NR3C2: variants seen among roughly 807,000 people sequenced by gnomAD.
NR3C2 encodes mineralocorticoid receptor.
NR3C2 carries 15 observed loss-of-function variants against 86.4 expected under a neutral mutation model. The observed-to-expected ratio is 0.17, with a 90% confidence interval of 0.12 to 0.27. NR3C2 has a LOEUF of 0.27. NR3C2 is among the 10% of genes least tolerant of loss of function. The probability of loss-of-function intolerance (pLI) is 1.00; values close to 1 mark genes in which losing one functional copy is unlikely to be tolerated. For synonymous variants in NR3C2, 458 were observed against 450.5 expected (o/e 1.02, Z -0.21); for missense variants, 960 against 1,195.6 (o/e 0.80, Z 2.91).
chr4:148,264,259 T>C (rs1449182209), intron 2 of NR3C2, among the ~76,000 whole-genome samples: 1 of 152,210 alleles, frequency 6.6e-6, no homozygotes, highest in Non-Finnish European at 1.5e-5. Context: ...CTAGTCTCTA[T>C]TGACACACTA....
intron 2 of NR3C2, among the ~76,000 whole-genome samples, chr4:148,404,640 A>G (rs1348614009): frequency 2.6e-5 from 4 of 152,158 alleles, no homozygotes; most frequent in Non-Finnish European, 4.4e-5. Flanking sequence ...TAAAATTCAA[A>G]CTAATAAACA....
chr4:148,306,301 C>T (rs1391923752), intron 2 of NR3C2, among the ~76,000 whole-genome samples: 1 of 152,194 alleles, frequency 6.6e-6, no homozygotes, highest in Non-Finnish European at 1.5e-5. Context: ...GCATATTTTA[C>T]AGCTCTATTA....
intron 2 of NR3C2, among the ~76,000 whole-genome samples, chr4:148,401,364 T>G (rs1748150878): frequency 6.6e-6 from 1 of 152,006 alleles, no homozygotes; most frequent in Non-Finnish European, 1.5e-5. Flanking sequence ...ACACTATATT[T>G]CCCAGCTTCC....
At chr4:148,319,854 T>A (rs549237098) in intron 2 of NR3C2, among the ~76,000 whole-genome samples, 10 of 144,472 alleles carry the variant, frequency 6.9e-5, no homozygotes, top group Middle Eastern at 3.5e-3. Context: ...CTTTTCCTAA[T>A]TGAATACCCT....
chr4:148,175,849 A>G (rs892958941), intron 4 of NR3C2, among the ~76,000 whole-genome samples: 1 of 152,122 alleles, frequency 6.6e-6, no homozygotes, highest in Admixed American at 6.5e-5. Flanking sequence ...ATTTAAAAAA[A>G]TTTTTTTAGC....
chr4:148,163,876 T>C (rs1734769994), intron 4 of NR3C2, among the ~76,000 whole-genome samples: 1 of 152,144 alleles, frequency 6.6e-6, no homozygotes, highest in African/African-American at 2.4e-5. Flanking sequence ...GCAATAACTA[T>C]AAGTAGCATT....
rs776662072 is a variant in NR3C2, at chr4:148,435,992, T to G, written c.869A>C (p.Asn290Thr). Residue 290 changes from asparagine to threonine, a missense_variant, in exon 2 of 9, where the codon AAT (asparagine) becomes ACT (threonine). Asn to Thr is a moderately conservative substitution (Grantham distance 65, BLOSUM62 0). This residue lies in a region of NR3C2 where 680 missense variants were observed against 719.0 expected (regional missense o/e 0.95). Transcript: ENST00000358102. ...SVKSPVSSPN[N>T]VTLRSSVSSP... ...AGACACAGAGGATCTCAGAGTGACA[T>G]TATTGGGACTGGAGACTGGAGATTT... 3.7e-6 allele frequency: 6 copies of G among 1,614,146 alleles called. No individual in the cohort carries two copies. The highest frequency in any genetic ancestry group is 5.1e-6 in the Non-Finnish European group (6 of 1,180,034).
chr4:148,289,271 G>C, intron 2 of NR3C2, among the ~76,000 whole-genome samples: 1 of 37,774 alleles, frequency 2.6e-5, no homozygotes. Context: ...AATATTTACA[G>C]CCAAAAAAAA....
At chr4:148,241,597 C>T (rs1739050781) in intron 3 of NR3C2, among the ~76,000 whole-genome samples, 1 of 152,154 alleles carries the variant, frequency 6.6e-6, no homozygotes, top group Non-Finnish European at 1.5e-5. Context: ...CCAGACCACA[C>T]TGACTAACAT....
rs183107129 is a variant in NR3C2, at chr4:148,261,838, T to C, written c.1758-1721A>G. Among the ~76,000 whole-genome samples the C allele has an allele frequency of 7.9e-5, 12 of 152,368 alleles. No individual in the cohort carries two copies. In the East Asian group the frequency reaches 2.3e-3, roughly 29 times the overall value. On this transcript the variant is annotated intron_variant, in intron 2 of 8. Coordinates refer to ENST00000358102, the MANE Select transcript of NR3C2 (RefSeq NM_000901.5). ...ATAATGCGTTAATATTTGTTTAAAG[T>C]ATTTTGAACTATACTCTCACGAAAA...
intron 8 of NR3C2, among the ~76,000 whole-genome samples, chr4:148,103,402 AC>A (rs1731630191): frequency 6.6e-6 from 1 of 152,148 alleles, no homozygotes; most frequent in African/African-American, 2.4e-5. Context: ...AGAGGCTACC[AC>A]GTGTGCCTCC....
At chr4:148,390,302 T>C (rs1372173437) in intron 2 of NR3C2, among the ~76,000 whole-genome samples, 1 of 151,970 alleles carries the variant, frequency 6.6e-6, no homozygotes, top group Non-Finnish European at 1.5e-5. Flanking sequence ...GAGAGATGAA[T>C]GCATGAATGT....
At chr4:148,139,725 G>T (rs553444282) in intron 6 of NR3C2, among the ~76,000 whole-genome samples, 74 of 152,170 alleles carry the variant, frequency 4.9e-4, no homozygotes, top group South Asian at 1.2e-3. Context: ...GCAGGCCGAG[G>T]GTCTCCAAAT....
intron 2 of NR3C2, among the ~76,000 whole-genome samples, chr4:148,405,877 C>T (rs778457191): frequency 6.6e-6 from 1 of 152,072 alleles, no homozygotes; most frequent in Non-Finnish European, 1.5e-5. Flanking sequence ...GGCGTAGTGG[C>T]TCACACCTGT....
intron 6 of NR3C2, among the ~76,000 whole-genome samples, chr4:148,130,013 AGC>A (rs2149741617): frequency 6.6e-6 from 1 of 152,294 alleles, no homozygotes; most frequent in East Asian, 1.9e-4. Context: ...TTACTGTTTT[AGC>A]TACTTGCTTT....
At chr4:148,339,583 A>G (rs926064443) in intron 2 of NR3C2, among the ~76,000 whole-genome samples, 1 of 152,222 alleles carries the variant, frequency 6.6e-6, no homozygotes, top group African/African-American at 2.4e-5. Context: ...ATTACAACTT[A>G]AAATGCATAA....
At chr4:148,184,835 A>T (rs759726044) in intron 4 of NR3C2, among the ~76,000 whole-genome samples, 15 of 152,170 alleles carry the variant, frequency 9.9e-5, no homozygotes, top group Non-Finnish European at 2.1e-4. Flanking sequence ...TTCCAATATC[A>T]GACAAGGGGA....
intron 4 of NR3C2, among the ~76,000 whole-genome samples, chr4:148,168,564 T>C (rs1470623801): frequency 6.6e-6 from 1 of 152,210 alleles, no homozygotes; most frequent in Non-Finnish European, 1.5e-5. Flanking sequence ...TAGAGAAATG[T>C]GTGAAAACAC....
intron 4 of NR3C2, among the ~76,000 whole-genome samples, chr4:148,181,459 G>A (rs1735640433): frequency 6.6e-6 from 1 of 152,124 alleles, no homozygotes; most frequent in African/African-American, 2.4e-5. Flanking sequence ...ATGGCCAGGG[G>A]GCAGTCAAGC....
Sources: allele counts gnomAD v4.1 joint callset (sites outside exome capture counted in the v4.1 genomes callset), GRCh38; gene constraint gnomAD v4.1.1; regional missense constraint gnomAD v4.1.1; transcripts MANE v1.5; gene names NCBI Gene and HGNC (gene_info 2026-07-23, HGNC 2026-07-21).